Variants in IL17RE observed in about 807,000 individuals in gnomAD.
The protein encoded by IL17RE is interleukin 17 receptor E.
In IL17RE, 47 loss-of-function variants were observed where a neutral mutation model predicts 70.7. The ratio of observed to expected loss-of-function variants is 0.67; its 90% CI spans 0.53 to 0.85. The LOEUF is 0.85. Among genes scored for constraint, IL17RE ranks in the 40% least tolerant of loss-of-function variants. The pLI is 0.00. For missense variants in IL17RE, 850 were observed against 893.9 expected (o/e 0.95, Z 0.63); for synonymous variants, 372 against 381.2 (o/e 0.98, Z 0.28).
chr3:9,913,917 C>T (rs1188920388), intron 12 of IL17RE, 39 bp from the exon 13 acceptor site: 2 of 1,556,278 alleles, frequency 1.3e-6, no homozygotes, highest in African/African-American at 2.7e-5. Context: ...GCCAGATTCA[C>T]CTCCCTGGGG....
At chr3:9,914,642 T>G (rs367996797) in intron 14 of IL17RE, 37 bp from the exon 15 acceptor site, 8 of 1,613,026 alleles carry the variant, frequency 5.0e-6, no homozygotes, top group Middle Eastern at 1.6e-4. Flanking sequence ...GGCTGGGCAC[T>G]GAGGAACTGG....
intron 2 of IL17RE, 53 bp downstream of exon 2, chr3:9,903,465 G>T (rs992296443): frequency 1.9e-6 from 3 of 1,598,590 alleles, no homozygotes; most frequent in Non-Finnish European, 2.6e-6. Flanking sequence ...TATTTTTGCA[G>T]ATGCCTAGCA....
chr3:9,906,461 G>C lies in IL17RE; in HGVS notation c.366G>C (p.Gln122His), dbSNP rs777377389. ...GACACAAGATGCCAGCACCTGCTCA[G>C]GTACTCTCCCTGTCAGTTCCAGCCC... ...YRRHKMPAPA[Q>H]RKLLPRRHLS... Residue 122 changes from glutamine to histidine, a missense_variant and splice_region_variant, in exon 4 of 16, where the codon CAG becomes CAC. Gln to His is a conservative substitution (Grantham distance 24). Transcript: ENST00000383814. The C allele has an allele frequency of 6.2e-7, 1 of 1,606,832 alleles. No homozygotes were observed. Among genetic ancestry groups the C allele is most frequent in the African/African-American group, 1.3e-5 (1 of 74,734 alleles).
At position 9,906,397 on chromosome 3, in the gene IL17RE, A is replaced by G; in HGVS notation, c.302A>G (p.Gln101Arg). Residue 101 changes from glutamine to arginine, a missense_variant, in exon 4 of 16, where the codon CAG (glutamine) becomes CGG (arginine). Coordinates refer to ENST00000383814, the MANE Select transcript of IL17RE (RefSeq NM_153480.2). ...CGGGGCCTCTTCCACCTCCTGGTGC[A>G]GAAATCCAAAAAGTCTTCCACATTC... Reference protein sequence around the residue: ...LQRGLFHLLVQKSKKSSTFKF... With the variant: ...LQRGLFHLLVRKSKKSSTFKF... 2 of 1,614,050 alleles carry G rather than the reference A, an allele frequency of 1.2e-6. No homozygotes were observed. The highest frequency in any genetic ancestry group is 1.7e-4 in the Middle Eastern group (1 of 6,042).
chr3:9,906,408 A>T lies in IL17RE; in HGVS notation c.313A>T (p.Lys105Ter), dbSNP rs2082758196. 1 of 1,613,852 alleles carries T rather than the reference A, an allele frequency of 6.2e-7. No homozygotes were observed. Among genetic ancestry groups the T allele is most frequent in the Non-Finnish European group, 8.5e-7 (1 of 1,179,962 alleles). The change falls in exon 4 of 16, where the codon AAG becomes TAG. Residue 105 changes from lysine to a stop codon, truncating the protein, a stop_gained. Coordinates refer to ENST00000383814, the MANE Select transcript of IL17RE (RefSeq NM_153480.2). LOFTEE classifies it high-confidence loss of function. ...LFHLLVQKSKKSSTFKFYRRH... is the reference protein window; with the variant it reads ...LFHLLVQKSK Reference sequence around the variant, plus strand: ...CCACCTCCTGGTGCAGAAATCCAAAAAGTCTTCCACATTCAAGTTCTATAG... The same window carrying T: ...CCACCTCCTGGTGCAGAAATCCAAATAGTCTTCCACATTCAAGTTCTATAG...
chr3:9,903,446 C>A (rs367971381), intron 2 of IL17RE, 34 bp downstream of exon 2: 20 of 1,612,862 alleles, frequency 1.2e-5, no homozygotes, highest in African/African-American at 4.0e-5. Context: ...TGCTCCTCCC[C>A]ACGCCCACTA....
chr3:9,903,411 T>C lies in IL17RE; in HGVS notation c.147T>C (p.Thr49=). ...PLASHTDDSF[T]GSSAYIPCRT... ...CTGTGCCTCAGGATGACAGTTTCAC[T>C]GGTGAGTCGCATTTCCTGCCCCATT... Residue 49 remains threonine, a splice_region_variant and synonymous_variant, in exon 2 of 16, where the codon ACT becomes ACC. Coordinates refer to ENST00000383814, the MANE Select transcript of IL17RE (RefSeq NM_153480.2). 1 of 1,614,162 alleles carries C rather than the reference T, an allele frequency of 6.2e-7. No individual in the cohort carries two copies. Among genetic ancestry groups the C allele is most frequent in the Non-Finnish European group, 8.5e-7 (1 of 1,179,992 alleles).
rs779276130 is a variant in IL17RE at position 9,907,042 on chromosome 3, G to A, written c.608G>A (p.Arg203His). The change falls in exon 6 of 16, where the codon CGT (arginine) becomes CAT (histidine). Residue 203 changes from arginine (R) to histidine (H), a missense_variant. Arg to His is a conservative substitution (Grantham distance 29). Coordinates refer to ENST00000383814, the MANE Select transcript of IL17RE (RefSeq NM_153480.2). ...TISSGPEVSVRLCHQWALECE... is the reference protein window; with the variant it reads ...TISSGPEVSVHLCHQWALECE... Reference sequence around the variant, plus strand: ...TCTTCAGGCCCTGAGGTCAGCGTGCGTCTTTGTCACCAGTGGGCACTGGAG... The same window carrying A: ...TCTTCAGGCCCTGAGGTCAGCGTGCATCTTTGTCACCAGTGGGCACTGGAG... 1.1e-5 allele frequency: 18 copies of A among 1,614,010 alleles called. No individual in the cohort carries two copies. The highest frequency in any genetic ancestry group is 4.5e-5 in the East Asian group (2 of 44,902).
In IL17RE at chr3:9,911,396, C is replaced by G. The variant is rs749645923; in HGVS notation, c.1073-47C>G. The G allele has an allele frequency of 2.5e-6, 4 of 1,612,676 alleles. No homozygotes were observed. The East Asian group carries it at 8.9e-5, about 36-fold the overall frequency. The stretch of plus-strand genomic sequence containing the variant: ...AACCCCAGCCCAGCCCTGAATTCAT[C>G]ACCCAAAGCCCAACTCCTATCAACA... On this transcript the variant is annotated intron_variant, in intron 11 of 15. Coordinates refer to ENST00000383814, the MANE Select transcript of IL17RE (RefSeq NM_153480.2).
rs2083035017 is a variant in IL17RE at position 9,915,680 on chromosome 3, T to C, written c.1877T>C (p.Leu626Pro). Residue 626 changes from leucine to proline, a missense_variant, in exon 16 of 16, where the codon CTG (leucine) becomes CCG (proline). By Grantham distance (98) the Leu-to-Pro change is moderately conservative (BLOSUM62 -3). Coordinates refer to ENST00000383814, the MANE Select transcript of IL17RE (RefSeq NM_153480.2). This position sits in a 1 kb window ranked among gnomAD's most constrained non-coding sequence, Gnocchi z 4.9. ...LRDLPRLLRA[L>P]DARPFAEATS... ...GACCTGCCGCGTCTGCTGCGGGCGC[T>C]GGACGCGCGGCCTTTCGCAGAGGCC... 1.4e-6 allele frequency: 2 copies of C among 1,389,238 alleles called. No individual in the cohort carries two copies. Among genetic ancestry groups the C allele is most frequent in the Non-Finnish European group, 1.8e-6 (2 of 1,081,846 alleles). 86.1% of individuals were successfully genotyped at this position (1,389,238 alleles called of 1,614,324 possible). A position where few individuals can be genotyped will look rare whatever the true frequency, so the allele number is the denominator to read the frequency against.
chr3:9,906,716 T>C lies in IL17RE; in HGVS notation c.377T>C (p.Leu126Pro). The C allele has an allele frequency of 1.2e-6, 2 of 1,614,228 alleles. No individual in the cohort carries two copies. Among genetic ancestry groups the C allele is most frequent in the Non-Finnish European group, 8.5e-7 (1 of 1,180,036 alleles). Residue 126 changes from leucine to proline, a missense_variant, in exon 5 of 16, where the codon CTG (leucine) becomes CCG (proline). Leu to Pro is a moderately conservative substitution (Grantham distance 98). Coordinates refer to ENST00000383814, the MANE Select transcript of IL17RE (RefSeq NM_153480.2). Reference sequence around the variant, plus strand: ...GTTCTCTGCCTTTAGAGGAAGCTGCTGCCTCGTCGTCACCTGTCTGAGAAG... The same window carrying C: ...GTTCTCTGCCTTTAGAGGAAGCTGCCGCCTCGTCGTCACCTGTCTGAGAAG... Reference protein sequence around the residue: ...KMPAPAQRKLLPRRHLSEKSH... With the variant: ...KMPAPAQRKLPPRRHLSEKSH...
At chr3:9,908,558 C>T (rs1016639182) in intron 7 of IL17RE, among the ~76,000 whole-genome samples, 4 of 152,208 alleles carry the variant, frequency 2.6e-5, no homozygotes, top group African/African-American at 4.8e-5. Context: ...TTCCCTGGCC[C>T]AGACCTGGCC....
At chr3:9,911,211 G>C in intron 10 of IL17RE, 37 bp downstream of exon 10, 1 of 1,614,136 alleles carries the variant, frequency 6.2e-7, no homozygotes, top group Non-Finnish European at 8.5e-7. Context: ...GGTGTAGTGG[G>C]TATTGCCTGG....
Position 9,907,684 on chromosome 3 carries a change from G to A in IL17RE, c.667-555G>A, listed in dbSNP as rs369457120. Reference sequence around the variant, plus strand: ...TTCAGCTCCCCTAAGAGGTTGTATCGCCTAAGAACATAACAAAATGATCAC... The same window carrying A: ...TTCAGCTCCCCTAAGAGGTTGTATCACCTAAGAACATAACAAAATGATCAC... On this transcript the variant is annotated intron_variant, in intron 6 of 15. Coordinates refer to ENST00000383814, the MANE Select transcript of IL17RE (RefSeq NM_153480.2). Among the ~76,000 whole-genome samples, 8 of 152,060 alleles carry A rather than the reference G, an allele frequency of 5.3e-5. 1 individual carries two copies. In the East Asian group the frequency reaches 1.2e-3, roughly 22 times the overall value.
intron 6 of IL17RE, 81 bp downstream of exon 6, chr3:9,907,181 C>G: frequency 6.4e-7 from 1 of 1,557,806 alleles, no homozygotes. Context: ...AATGAGGAAA[C>G]TGAGGCCCAG....
chr3:9,911,141 G>C lies in IL17RE; in HGVS notation c.993G>C (p.Glu331Asp). Residue 331 changes from glutamate to aspartate, a missense_variant, in exon 10 of 16, where the codon GAG becomes GAC. Coordinates refer to ENST00000383814, the MANE Select transcript of IL17RE (RefSeq NM_153480.2). Reference protein sequence around the residue: ...ARESDGWYVLEKVDLHPQLCF... With the variant: ...ARESDGWYVLDKVDLHPQLCF... The stretch of plus-strand genomic sequence containing the variant: ...TCCTCCCACAGTGGTATGTTTTGGA[G>C]AAGGTGGACCTGCACCCCCAGCTCT... 6.2e-7 allele frequency: 1 copy of C among 1,614,216 alleles called. No homozygotes were observed. Among genetic ancestry groups the C allele is most frequent in the Non-Finnish European group, 8.5e-7 (1 of 1,180,022 alleles).
intron 13 of IL17RE, 163 bp from the exon 14 acceptor site, chr3:9,914,385 G>T: frequency 2.0e-6 from 3 of 1,494,862 alleles, no homozygotes; most frequent in South Asian, 2.7e-5. Context: ...TGCCACCATT[G>T]ACCTGTTCTG....
chr3:9,906,321 G>T (rs766563556), intron 3 of IL17RE, 43 bp from the exon 4 acceptor site: 25 of 1,118,168 alleles, frequency 2.2e-5, no homozygotes, highest in South Asian at 1.3e-4. Flanking sequence ...GGCAGGGGAG[G>T]GGGTAATGAG....
chr3:9,906,933 A>G, intron 5 of IL17RE, 28 bp from the exon 6 acceptor site: 1 of 1,614,122 alleles, frequency 6.2e-7, no homozygotes, highest in Non-Finnish European at 8.5e-7. Context: ...GCCAAGAGAC[A>G]AGGCCACTGA....
Sources: allele counts gnomAD v4.1 joint callset (sites outside exome capture counted in the v4.1 genomes callset), GRCh38; gene constraint gnomAD v4.1.1; non-coding constraint Gnocchi (gnomAD v3.1); transcripts MANE v1.5; gene names NCBI Gene and HGNC (gene_info 2026-07-23, HGNC 2026-07-21).